The following ITFG1 variants were observed in gnomAD, a reference collection of about 807,000 sequenced individuals.
The protein encoded by ITFG1 is integrin alpha FG-GAP repeat containing 1.
Under a neutral mutation model 81.8 loss-of-function variants are expected in ITFG1, and 34 were observed. The observed-to-expected ratio is 0.42, with a 90% CI of 0.32 to 0.55. ITFG1 has a LOEUF of 0.55. Ranked by LOEUF, ITFG1 falls within the 20% of genes least tolerant of loss-of-function variation. ITFG1 has a pLI of 0.17. For missense variants in ITFG1, 672 were observed against 755.4 expected (o/e 0.89, Z 1.29); for synonymous variants, 285 against 270.6 (o/e 1.05, Z -0.52).
chr16:47,325,439 G>C (rs565452454), intron 8 of ITFG1, among the ~76,000 whole-genome samples: 55 of 152,126 alleles, frequency 3.6e-4, no homozygotes, highest in Non-Finnish European at 4.1e-4. Flanking sequence ...CAAACACATT[G>C]AAAAGCTAGC....
At chr16:47,248,336 A>G (rs1242042044) in intron 12 of ITFG1, among the ~76,000 whole-genome samples, 1 of 152,164 alleles carries the variant, frequency 6.6e-6, no homozygotes, top group Admixed American at 6.6e-5. Context: ...AGCTTTTCTA[A>G]AATACTTTTC....
chr16:47,445,627 C>A (rs9922569), intron 5 of ITFG1, among the ~76,000 whole-genome samples: 16,235 of 152,192 alleles, frequency 0.11, 1,807 homozygotes, highest in African/African-American at 0.29. Context: ...GAGGTAGAGT[C>A]TATCATCTAC....
intron 14 of ITFG1, among the ~76,000 whole-genome samples, chr16:47,213,536 G>A (rs1310605169): frequency 1.3e-5 from 2 of 151,966 alleles, no homozygotes; most frequent in South Asian, 2.1e-4. Context: ...TTGTCTATTC[G>A]CCTTTCAGTT....
intron 6 of ITFG1, among the ~76,000 whole-genome samples, chr16:47,422,557 G>GA (rs755753081): frequency 6.6e-5 from 10 of 152,156 alleles, no homozygotes; most frequent in Non-Finnish European, 1.2e-4. Context: ...AATAGTTTCA[G>GA]AAAAAATGGT....
At chr16:47,261,280 G>C (rs1966206638) in intron 10 of ITFG1, among the ~76,000 whole-genome samples, 1 of 152,184 alleles carries the variant, frequency 6.6e-6, no homozygotes, top group Non-Finnish European at 1.5e-5. Flanking sequence ...TCCTGGCTCT[G>C]TTATTTAGCA....
chr16:47,275,769 T>C (rs1208280584), intron 10 of ITFG1, among the ~76,000 whole-genome samples: 1 of 152,134 alleles, frequency 6.6e-6, no homozygotes, highest in African/African-American at 2.4e-5. Flanking sequence ...TAGACTGACT[T>C]TAAAACCTAA....
At chr16:47,415,949 C>G (rs1482981413) in intron 6 of ITFG1, among the ~76,000 whole-genome samples, 1 of 152,052 alleles carries the variant, frequency 6.6e-6, no homozygotes, top group African/African-American at 2.4e-5. Flanking sequence ...CAAAAATTAG[C>G]TGGGCATGGT....
intron 10 of ITFG1, among the ~76,000 whole-genome samples, chr16:47,262,005 G>A (rs1269288633): frequency 6.6e-6 from 1 of 152,184 alleles, no homozygotes; most frequent in Non-Finnish European, 1.5e-5. Flanking sequence ...TCAGTACATA[G>A]AGATTTCTTT....
rs540687248 is a variant in ITFG1, at chr16:47,239,740, A to G, written c.1331-1732T>C. On this transcript the variant is annotated intron_variant, in intron 12 of 17. Coordinates refer to ENST00000320640, the MANE Select transcript of ITFG1 (RefSeq NM_030790.5). ...CAGAATGCCTGGTTCTCACTCTTTT[A>G]TTATGAAAACCCTAACTTCTCACTC... Among the ~76,000 whole-genome samples, 4 of 152,300 alleles carry G rather than the reference A, an allele frequency of 2.6e-5. No homozygotes were observed. In the South Asian group the frequency reaches 8.3e-4, roughly 32 times the overall value.
chr16:47,458,001 T>C (rs1969475587), intron 2 of ITFG1, among the ~76,000 whole-genome samples: 5 of 152,370 alleles, frequency 3.3e-5, no homozygotes, highest in South Asian at 4.1e-4. Flanking sequence ...CAAAATACTG[T>C]AGAGTCTGAG....
At chr16:47,417,422 T>A (rs1360886473) in intron 6 of ITFG1, among the ~76,000 whole-genome samples, 4 of 152,228 alleles carry the variant, frequency 2.6e-5, no homozygotes, top group Non-Finnish European at 5.9e-5. Flanking sequence ...TCTTCTCTTC[T>A]AGCTACTTTG....
chr16:47,438,715 TA>T (rs1367316599), intron 5 of ITFG1, among the ~76,000 whole-genome samples: 8 of 152,122 alleles, frequency 5.3e-5, no homozygotes, highest in Admixed American at 1.3e-4. Context: ...CAAAGGTAGA[TA>T]AAACCACAAA....
rs61494352 is a variant in ITFG1 at position 47,171,029 on chromosome 16, C to CT, written c.1454-8366dup. Among the ~76,000 whole-genome samples, 710 of 97,728 alleles carry CT rather than the reference C, an allele frequency of 7.3e-3. 2 individuals are homozygous for CT. Among genetic ancestry groups the CT allele is most frequent in the Middle Eastern group, 0.016 (3 of 192 alleles). The allele number at this position is 97,728 out of a possible 152,430, so 64.1% of individuals were successfully genotyped here. A position where few individuals can be genotyped will look rare whatever the true frequency, so the allele number is the denominator to read the frequency against. On this transcript the variant is annotated intron_variant, in intron 14 of 17. Transcript: ENST00000320640. ...GGATTACAAGCATGAGCCACTGTGC[C>CT]TTTTTTTTTTTTTTTTTTTTGAGAC...
At chr16:47,264,366 A>G (rs1447458128) in intron 10 of ITFG1, among the ~76,000 whole-genome samples, 1 of 152,144 alleles carries the variant, frequency 6.6e-6, no homozygotes, top group Non-Finnish European at 1.5e-5. Flanking sequence ...TGATCCCTAT[A>G]TTGAAAACAT....
At chr16:47,347,976 T>TC (rs1967884340) in intron 8 of ITFG1, among the ~76,000 whole-genome samples, 1 of 151,802 alleles carries the variant, frequency 6.6e-6, no homozygotes, top group Admixed American at 6.6e-5. Flanking sequence ...TCCAACAAAC[T>TC]CCAACAGACC....
chr16:47,209,564 T>C (rs192194192), intron 14 of ITFG1, among the ~76,000 whole-genome samples: 2 of 152,280 alleles, frequency 1.3e-5, no homozygotes, highest in East Asian at 3.9e-4. Flanking sequence ...TATTCAGTTT[T>C]CTCCCATGGT....
rs528622527 is a variant in ITFG1, at chr16:47,441,992, C to G, written c.560+9404G>C. Among the ~76,000 whole-genome samples, 27 of 152,256 alleles carry G rather than the reference C, an allele frequency of 1.8e-4. No individual in the cohort carries two copies. The East Asian group carries it at 3.7e-3, about 21-fold the overall frequency. On this transcript the variant is annotated intron_variant, in intron 5 of 17. Transcript: ENST00000320640. ...GCAACTTCAGCAAAGTCTCAGGATA[C>G]AAAATCAATGTGCAAAAATCACAAG...
intron 13 of ITFG1, among the ~76,000 whole-genome samples, chr16:47,231,755 T>C (rs1965818894): frequency 6.6e-6 from 1 of 152,234 alleles, no homozygotes; most frequent in Non-Finnish European, 1.5e-5. Flanking sequence ...CATTAATTCC[T>C]CTAATTTTAA....
intron 8 of ITFG1, among the ~76,000 whole-genome samples, chr16:47,330,340 C>G (rs908365143): frequency 9.9e-5 from 15 of 151,890 alleles, no homozygotes; most frequent in African/African-American, 3.6e-4. Flanking sequence ...CTAAAAAATC[C>G]TAGAACAAAA....
Sources: allele counts gnomAD v4.1 joint callset (sites outside exome capture counted in the v4.1 genomes callset), GRCh38; gene constraint gnomAD v4.1.1; transcripts MANE v1.5; gene names NCBI Gene and HGNC (gene_info 2026-07-23, HGNC 2026-07-21).